The following SULT1B1 variants were observed in gnomAD, a reference collection of about 807,000 sequenced individuals.
SULT1B1 encodes sulfotransferase family 1B member 1.
In SULT1B1, 28 loss-of-function variants were observed where a neutral mutation model predicts 34.6. The observed-to-expected ratio is 0.81, with a 90% CI of 0.60 to 1.11. The LOEUF (loss-of-function observed/expected upper bound fraction) is 1.11, where lower values mean the gene tolerates loss of function less well. SULT1B1 is among the 50% of genes least tolerant of loss of function. The probability of loss-of-function intolerance (pLI) is 0.00; values close to 1 mark genes in which losing one functional copy is unlikely to be tolerated. For missense variants in SULT1B1, 374 were observed against 352.2 expected (o/e 1.06, Z -0.50); for synonymous variants, 147 against 110.2 (o/e 1.33, Z -2.09).
chr4:69,744,528 T>C (rs1452821024), intron 4 of SULT1B1, among the ~76,000 whole-genome samples: 5 of 152,214 alleles, frequency 3.3e-5, no homozygotes, highest in African/African-American at 9.6e-5. Flanking sequence ...CTCTGGACTA[T>C]AAAGGTGTTC....
intron 1 of SULT1B1, 83 bp downstream of exon 1, chr4:69,760,376 A>G: frequency 4.6e-6 from 1 of 216,130 alleles, no homozygotes; most frequent in Non-Finnish European, 7.9e-6. Context: ...AATATGTTCA[A>G]AACAGAAATT....
chr4:69,754,919 G>T, intron 2 of SULT1B1, 121 bp from the exon 3 acceptor site: 3 of 1,272,726 alleles, frequency 2.4e-6, no homozygotes, highest in South Asian at 1.4e-5. Context: ...CCCTTTCTAT[G>T]CACCAAATGC....
intron 4 of SULT1B1, among the ~76,000 whole-genome samples, chr4:69,741,661 G>A (rs904984063): frequency 5.3e-5 from 8 of 152,106 alleles, no homozygotes; most frequent in East Asian, 3.9e-4. Flanking sequence ...ATGAGATTAC[G>A]TTTTGATTTG....
chr4:69,725,017 A>C lies in SULT1B1; in HGVS notation c.*2071T>G, dbSNP rs1464309436. On this transcript the variant is annotated 3_prime_UTR_variant, in exon 8 of 8. Coordinates refer to ENST00000310613, the MANE Select transcript of SULT1B1 (RefSeq NM_014465.4). ...AATGGCAACAAAAGCCAAAATTGAC[A>C]AATGGGATCTAATTAAACTAAAGAG... 5.9e-5 allele frequency: 9 copies of C among 152,150 alleles called. No homozygotes were observed. The highest frequency in any genetic ancestry group is 2.6e-4 in the Admixed American group (4 of 15,278). 9.4% of individuals were successfully genotyped at this position (152,150 alleles called of 1,614,324 possible).
At chr4:69,752,091 C>T (rs1050267899) in intron 3 of SULT1B1, among the ~76,000 whole-genome samples, 3 of 152,184 alleles carry the variant, frequency 2.0e-5, no homozygotes, top group African/African-American at 7.2e-5. Flanking sequence ...TTTTAAGAAA[C>T]TTTGCAGTTT....
At chr4:69,730,967 G>A (rs191488333) in intron 6 of SULT1B1, among the ~76,000 whole-genome samples, 196 of 152,302 alleles carry the variant, frequency 1.3e-3, no homozygotes, top group African/African-American at 4.5e-3. Context: ...TGATAGTAGA[G>A]AGAAGCCCAA....
In SULT1B1 at chr4:69,722,927, A is replaced by G. The variant is rs1188046345; in HGVS notation, c.*4161T>C. The G allele has an allele frequency of 1.3e-5, 2 of 152,022 alleles. No homozygotes were observed. Among genetic ancestry groups the G allele is most frequent in the Non-Finnish European group, 2.9e-5 (2 of 68,018 alleles). The allele number at this position is 152,022 out of a possible 1,614,324, so 9.4% of individuals were successfully genotyped here. On this transcript the variant is annotated 3_prime_UTR_variant, in exon 8 of 8. Coordinates refer to ENST00000310613, the MANE Select transcript of SULT1B1 (RefSeq NM_014465.4). ...CAGCTTGAGAACCATGGCTTGGCAT[A>G]TAACTTGGCACATGTGATATGATCT...
intron 3 of SULT1B1, among the ~76,000 whole-genome samples, chr4:69,750,867 A>G (rs947507167): frequency 1.9e-4 from 29 of 152,230 alleles, no homozygotes; most frequent in Admixed American, 2.6e-4. Context: ...AACCGTGACT[A>G]GCACATGGTT....
intron 4 of SULT1B1, among the ~76,000 whole-genome samples, chr4:69,735,008 C>A (rs1219312990): frequency 6.6e-6 from 1 of 151,812 alleles, no homozygotes; most frequent in Non-Finnish European, 1.5e-5. Flanking sequence ...TTAGTAGAGA[C>A]GGGGTTTCAC....
intron 1 of SULT1B1, chr4:69,758,154 G>C (rs1013891327): frequency 7.8e-6 from 2 of 257,644 alleles, no homozygotes; most frequent in African/African-American, 2.3e-5. Flanking sequence ...GCTCAAGAAA[G>C]GAACAATTAA....
chr4:69,749,644 A>T lies in SULT1B1; in HGVS notation c.375+77T>A. 3 of 1,075,274 alleles carry T rather than the reference A, an allele frequency of 2.8e-6. No homozygotes were observed. In the South Asian group the frequency reaches 4.2e-5, roughly 15 times the overall value. The allele number at this position is 1,075,274 out of a possible 1,614,324, so 66.6% of individuals were successfully genotyped here. A position where few individuals can be genotyped will look rare whatever the true frequency, so the allele number is the denominator to read the frequency against. On this transcript the variant is annotated intron_variant, in intron 4 of 7. Transcript: ENST00000310613. Reference sequence around the variant, plus strand: ...GTATATGGTTAAAGAAACAAAAAATATTTTAAAAAATAAACTATGTGAGTG... The same window carrying T: ...GTATATGGTTAAAGAAACAAAAAATTTTTTAAAAAATAAACTATGTGAGTG...
intron 4 of SULT1B1, among the ~76,000 whole-genome samples, chr4:69,738,870 C>A (rs192209376): frequency 6.6e-6 from 1 of 152,106 alleles, no homozygotes; most frequent in Non-Finnish European, 1.5e-5. Context: ...GGTATAGACA[C>A]CCATTCCAAA....
chr4:69,733,810 A>G (rs1718183903), intron 5 of SULT1B1, among the ~76,000 whole-genome samples: 1 of 152,190 alleles, frequency 6.6e-6, no homozygotes, highest in Non-Finnish European at 1.5e-5. Context: ...TTACCTAAGT[A>G]CTATAAATAT....
chr4:69,746,124 G>A (rs1160322793), intron 4 of SULT1B1, among the ~76,000 whole-genome samples: 1 of 152,140 alleles, frequency 6.6e-6, no homozygotes, highest in Non-Finnish European at 1.5e-5. Context: ...CCTTTCGCTA[G>A]CTGTCTTTAA....
At chr4:69,745,215 G>A (rs1265255129) in intron 4 of SULT1B1, among the ~76,000 whole-genome samples, 2 of 152,116 alleles carry the variant, frequency 1.3e-5, no homozygotes, top group African/African-American at 2.4e-5. Flanking sequence ...TTTTGTTGTT[G>A]GGTAGATGTC....
chr4:69,741,305 T>C (rs1718541011), intron 4 of SULT1B1, among the ~76,000 whole-genome samples: 1 of 152,226 alleles, frequency 6.6e-6, no homozygotes, highest in Non-Finnish European at 1.5e-5. Flanking sequence ...TAGTATAAAG[T>C]TGGATATTGT....
At chr4:69,736,255 A>G (rs1718304581) in intron 4 of SULT1B1, among the ~76,000 whole-genome samples, 1 of 152,228 alleles carries the variant, frequency 6.6e-6, no homozygotes, top group East Asian at 1.9e-4. Context: ...CTGCACCTGT[A>G]AATAAACTTG....
chr4:69,729,610 A>G (rs1717983304), intron 7 of SULT1B1, among the ~76,000 whole-genome samples: 1 of 152,106 alleles, frequency 6.6e-6, no homozygotes, highest in Non-Finnish European at 1.5e-5. Flanking sequence ...AAACACTAGG[A>G]CTATTTGCTA....
At chr4:69,728,135 T>TGG (rs1353825658) in intron 7 of SULT1B1, among the ~76,000 whole-genome samples, 3 of 151,994 alleles carry the variant, frequency 2.0e-5, no homozygotes, top group African/African-American at 7.2e-5. Flanking sequence ...AACATAAACA[T>TGG]ACTGGGGCTA....
Sources: gnomAD v4.1 joint callset for allele counts (sites outside exome capture counted in the v4.1 genomes callset) on GRCh38, gnomAD v4.1.1 for gene constraint, MANE v1.5 for transcripts, NCBI Gene and HGNC (gene_info 2026-07-23, HGNC 2026-07-21) for gene names.